The following NEMP2 variants were observed in gnomAD, a reference collection of about 807,000 sequenced individuals.
NEMP2 encodes the protein nuclear envelope integral membrane protein 2.
In NEMP2, 53 loss-of-function variants were observed where a neutral mutation model predicts 54.2. The ratio of observed to expected loss-of-function variants is 0.98; its 90% CI spans 0.78 to 1.23. NEMP2 has a LOEUF of 1.23. Among genes scored for constraint, NEMP2 ranks in the 50% most tolerant of loss-of-function variants. The pLI, the probability that NEMP2 is intolerant of heterozygous loss-of-function variation, is 0.00. For synonymous variants in NEMP2, 197 were observed against 190.3 expected (o/e 1.04, Z -0.29); for missense variants, 455 against 511.3 (o/e 0.89, Z 1.06).
At chr2:190,479,544 A>T in the NEMP2 span, among the ~76,000 whole-genome samples, 139 of 152,344 alleles carry the variant, frequency 9.1e-4, no homozygotes, top group African/African-American at 3.2e-3. Flanking sequence ...ATTTTGATCA[A>T]GAATATAAAT....
the NEMP2 span, among the ~76,000 whole-genome samples, chr2:190,444,619 TTTTCA>T: frequency 6.6e-6 from 1 of 152,184 alleles, no homozygotes; most frequent in Non-Finnish European, 1.5e-5. Context: ...TTGTTTGTGT[TTTTCA>T]TTTATTATAT....
the NEMP2 span, among the ~76,000 whole-genome samples, chr2:190,624,295 A>C: frequency 6.6e-6 from 1 of 152,246 alleles, no homozygotes; most frequent in Admixed American, 6.5e-5. Context: ...AAAGACAAAA[A>C]CAACAGATGG....
chr2:190,475,446 G>T, the NEMP2 span, among the ~76,000 whole-genome samples: 1 of 152,156 alleles, frequency 6.6e-6, no homozygotes, highest in Non-Finnish European at 1.5e-5. Context: ...AATCATGAGT[G>T]AACTCCCATT....
chr2:190,434,420 CATTT>C, the NEMP2 span, among the ~76,000 whole-genome samples: 5 of 151,928 alleles, frequency 3.3e-5, no homozygotes, highest in African/African-American at 1.2e-4. This position sits in a 1 kb window ranked among gnomAD's most constrained non-coding sequence, Gnocchi z 4.3. Context: ...ATATGAAAAA[CATTT>C]ATTTATTTTA....
chr2:190,589,109 G>A, the NEMP2 span, among the ~76,000 whole-genome samples: 1 of 152,054 alleles, frequency 6.6e-6, no homozygotes, highest in African/African-American at 2.4e-5. This position sits in a 1 kb window ranked among gnomAD's most constrained non-coding sequence, Gnocchi z 4.3. Context: ...CTGTACTTTG[G>A]GGCCCCATCA....
chr2:190,585,259 G>A, the NEMP2 span, among the ~76,000 whole-genome samples: 1 of 152,162 alleles, frequency 6.6e-6, no homozygotes. The surrounding 1 kb of genome is among the most constrained non-coding windows in gnomAD (Gnocchi z 5.3). Context: ...AGGATAATGA[G>A]TTCCATATGT....
the NEMP2 span, among the ~76,000 whole-genome samples, chr2:190,433,940 C>T: frequency 5.9e-5 from 9 of 152,118 alleles, no homozygotes; most frequent in African/African-American, 2.2e-4. The surrounding 1 kb of genome is among the most constrained non-coding windows in gnomAD (Gnocchi z 4.5). Flanking sequence ...CCTGTAATCC[C>T]AGCACTTTGG....
chr2:190,431,067 G>T, the NEMP2 span, among the ~76,000 whole-genome samples: 2 of 151,070 alleles, frequency 1.3e-5, no homozygotes, highest in African/African-American at 2.4e-5. This position sits in a 1 kb window ranked among gnomAD's most constrained non-coding sequence, Gnocchi z 4.4. Flanking sequence ...CTCCCAGACG[G>T]GGTCGCAGCC....
chr2:190,444,217 C>T, the NEMP2 span, among the ~76,000 whole-genome samples: 1 of 152,156 alleles, frequency 6.6e-6, no homozygotes, highest in Non-Finnish European at 1.5e-5. Context: ...TTTCTTAGCA[C>T]TGGTGAAATG....
intron 2 of NEMP2, among the ~76,000 whole-genome samples, chr2:190,524,204 T>G (rs576632400): frequency 1.1e-4 from 16 of 151,710 alleles, no homozygotes; most frequent in Admixed American, 9.8e-4. Context: ...GCAACTGGAG[T>G]GAGTCCCAGT....
the NEMP2 span, among the ~76,000 whole-genome samples, chr2:190,429,073 A>G: frequency 5.3e-5 from 8 of 151,946 alleles, no homozygotes; most frequent in Admixed American, 2.6e-4. Flanking sequence ...ATCTTTTTAC[A>G]TATTTATTGG....
At chr2:190,594,866 A>C in the NEMP2 span, among the ~76,000 whole-genome samples, 1 of 152,236 alleles carries the variant, frequency 6.6e-6, no homozygotes, top group Admixed American at 6.5e-5. This position sits in a 1 kb window ranked among gnomAD's most constrained non-coding sequence, Gnocchi z 5.6. Flanking sequence ...TAAAGTAAAT[A>C]AGCTGTGTAA....
At chr2:190,431,458 C>T in the NEMP2 span, among the ~76,000 whole-genome samples, 18 of 152,252 alleles carry the variant, frequency 1.2e-4, no homozygotes, top group Non-Finnish European at 8.8e-5. This position sits in a 1 kb window ranked among gnomAD's most constrained non-coding sequence, Gnocchi z 4.4. Flanking sequence ...ATCCCGGCAC[C>T]TCTGGAGGCC....
At chr2:190,613,739 C>T in the NEMP2 span, among the ~76,000 whole-genome samples, 1 of 152,074 alleles carries the variant, frequency 6.6e-6, no homozygotes, top group Non-Finnish European at 1.5e-5. Flanking sequence ...AGGTGCCCAC[C>T]ACCATGCCCG....
chr2:190,436,958 A>C, the NEMP2 span: 3 of 1,614,236 alleles, frequency 1.9e-6, no homozygotes, highest in Non-Finnish European at 2.5e-6. The surrounding 1 kb of genome is among the most constrained non-coding windows in gnomAD (Gnocchi z 5.3). Context: ...ACAATCGTAG[A>C]CACGGTCACA....
downstream of NEMP2, among the ~76,000 whole-genome samples, chr2:190,503,328 G>A (rs1338382069): frequency 6.6e-6 from 1 of 152,240 alleles, no homozygotes; most frequent in Non-Finnish European, 1.5e-5. The surrounding 1 kb of genome is among the most constrained non-coding windows in gnomAD (Gnocchi z 6.3). Context: ...GACTTACTGG[G>A]AAGATGGGAA....
At chr2:190,436,437 C>CT in the NEMP2 span, 1 of 1,614,200 alleles carries the variant, frequency 6.2e-7, no homozygotes, top group South Asian at 1.1e-5. This position sits in a 1 kb window ranked among gnomAD's most constrained non-coding sequence, Gnocchi z 5.3. Flanking sequence ...TTGTCCTCCT[C>CT]TTTTCTCTTT....
the NEMP2 span, among the ~76,000 whole-genome samples, chr2:190,449,354 G>C: frequency 1.3e-5 from 2 of 151,972 alleles, no homozygotes; most frequent in East Asian, 3.9e-4. Context: ...GGCACTTGTA[G>C]TCCCAGCTAC....
the NEMP2 span, among the ~76,000 whole-genome samples, chr2:190,544,426 A>T: frequency 6.6e-6 from 1 of 151,114 alleles, no homozygotes; most frequent in African/African-American, 2.4e-5. Flanking sequence ...AGCTCTTGGT[A>T]AAAAAAAATT....
Sources: allele counts gnomAD v4.1 joint callset (sites outside exome capture counted in the v4.1 genomes callset), GRCh38; gene constraint gnomAD v4.1.1; non-coding constraint Gnocchi (gnomAD v3.1); transcripts MANE v1.5; gene names NCBI Gene and HGNC (gene_info 2026-07-23, HGNC 2026-07-21).